OVCH1: variants seen among roughly 807,000 people sequenced by gnomAD.
OVCH1 encodes ovochymase 1, also known as ovochymase-1.
OVCH1 carries 139 observed loss-of-function variants against 138.4 expected under a neutral mutation model. The observed-to-expected ratio is 1.00, with a 90% CI of 0.87 to 1.16. The LOEUF is 1.16. OVCH1 is among the 50% of genes most tolerant of loss of function. The pLI, the probability that OVCH1 is intolerant of heterozygous loss-of-function variation, is 0.00. For synonymous variants in OVCH1, 453 were observed against 467.8 expected (o/e 0.97, Z 0.41); for missense variants, 1,367 against 1,357.9 (o/e 1.01, Z -0.11).
intron 3 of OVCH1, among the ~76,000 whole-genome samples, chr12:29,414,170 A>G (rs777054492): frequency 6.6e-6 from 1 of 151,662 alleles, no homozygotes; most frequent in Non-Finnish European, 1.5e-5. Context: ...GGATTACAGG[A>G]GCCCACCATT....
At chr12:29,462,270 T>C (rs1942164390) in intron 18 of OVCH1, among the ~76,000 whole-genome samples, 1 of 151,012 alleles carries the variant, frequency 6.6e-6, no homozygotes, top group Non-Finnish European at 1.5e-5. Context: ...TTATTTTCAA[T>C]TTAAATGTTA....
intron 3 of OVCH1, among the ~76,000 whole-genome samples, chr12:29,413,127 G>A (rs1462348485): frequency 6.6e-6 from 1 of 151,644 alleles, no homozygotes; most frequent in Non-Finnish European, 1.5e-5. Context: ...CTCCCAAAGT[G>A]TTGAGATTAT....
chr12:29,419,165 C>G (rs1941069435), intron 3 of OVCH1, among the ~76,000 whole-genome samples: 1 of 152,046 alleles, frequency 6.6e-6, no homozygotes, highest in Non-Finnish European at 1.5e-5. Flanking sequence ...GTCTACATTT[C>G]TAATCTATAT....
chr12:29,404,999 G>A, the OVCH1 span, among the ~76,000 whole-genome samples: 5 of 116,970 alleles, frequency 4.3e-5, no homozygotes, highest in Admixed American at 1.1e-4. Flanking sequence ...TCCAGCCCAG[G>A]AGATAGTGCA....
At chr12:29,405,986 CTAGT>C in the OVCH1 span, among the ~76,000 whole-genome samples, 4 of 152,170 alleles carry the variant, frequency 2.6e-5, no homozygotes, top group Non-Finnish European at 2.9e-5. Flanking sequence ...TTCACATGGG[CTAGT>C]TATTTTCACA....
Position 29,485,884 on chromosome 12 carries a change from A to T in OVCH1, c.995+362T>A, listed in dbSNP as rs920752797. Among the ~76,000 whole-genome samples, 16 of 151,884 alleles carry T rather than the reference A, an allele frequency of 1.1e-4. 1 individual carries two copies. The Middle Eastern group carries it at 0.01, about 98-fold the overall frequency. On this transcript the variant is annotated intron_variant, in intron 8 of 27. Coordinates refer to ENST00000318184, the Ensembl canonical transcript of OVCH1. ...CTTGAACCCAGGAGGCAGAGGTTGC[A>T]GTGAGCAGAGACTGCTTGCCACCGC...
exon 21 of OVCH1, chr12:29,454,878 T>C (rs1248767564): frequency 6.2e-7 from 1 of 1,612,966 alleles, no homozygotes; most frequent in Non-Finnish European, 8.5e-7. Context: ...GTGTGGGTGG[T>C]GGCAATTGTT....
exon 19 of OVCH1, chr12:29,461,965 C>T (rs1241988493): frequency 6.8e-6 from 11 of 1,613,820 alleles, no homozygotes; most frequent in Non-Finnish European, 9.3e-6. Context: ...CTCTTTCTAA[C>T]ACATGCACTT....
intron 8 of OVCH1, among the ~76,000 whole-genome samples, chr12:29,479,959 G>A (rs996828702): frequency 2.6e-5 from 4 of 151,870 alleles, no homozygotes; most frequent in Non-Finnish European, 4.4e-5. Flanking sequence ...AAGTAGCTGG[G>A]ACTGCAGGCA....
chr12:29,412,222 G>T (rs143577563), downstream of OVCH1, among the ~76,000 whole-genome samples: 2,901 of 152,166 alleles, frequency 0.019, 78 homozygotes, highest in African/African-American at 0.065. Context: ...CCCTTTCTTT[G>T]ACTAGAAAAG....
intron 3 of OVCH1, among the ~76,000 whole-genome samples, chr12:29,418,134 T>G (rs1224143757): frequency 6.6e-6 from 1 of 152,198 alleles, no homozygotes; most frequent in African/African-American, 2.4e-5. Flanking sequence ...AGGGTACTGT[T>G]ATTCCTTTCT....
chr12:29,436,424 G>A (rs2135909514), intron 26 of OVCH1, among the ~76,000 whole-genome samples: 1 of 152,172 alleles, frequency 6.6e-6, no homozygotes, highest in South Asian at 2.1e-4. Flanking sequence ...TGTCAATTTA[G>A]CAGTTAAATT....
rs1188551438 is a variant in OVCH1, at chr12:29,427,648, T to A, written c.3328A>T (p.Ser1110Cys). ...ATCCTGGACTTCTCAGCCTCCATAC[T>A]GTGAGAAATAAATATTTGTTGTTTG... The change falls in exon 28 of 28, where the codon AGT (serine) becomes TGT (cysteine). Residue 1110 changes from serine (S) to cysteine (C), a missense_variant and splice_region_variant. Coordinates refer to ENST00000318184, the Ensembl canonical transcript of OVCH1. The A allele has an allele frequency of 3.9e-6, 6 of 1,550,580 alleles. No homozygotes were observed. In the Admixed American group the frequency reaches 1.2e-4, roughly 30 times the overall value.
intron 18 of OVCH1, 31 bp downstream of exon 18, chr12:29,464,476 A>G: frequency 6.2e-7 from 1 of 1,605,820 alleles, no homozygotes. Flanking sequence ...AACAACTGGC[A>G]TTAATGTTTA....
the OVCH1 span, among the ~76,000 whole-genome samples, chr12:29,407,132 C>T: frequency 6.6e-5 from 10 of 151,572 alleles, no homozygotes; most frequent in South Asian, 2.1e-4. Context: ...TCATGTCCTT[C>T]GCCCACTTCT....
Position 29,478,978 on chromosome 12 carries a change from G to A in OVCH1, c.996-70C>T, listed in dbSNP as rs1942836368. On this transcript the variant is annotated intron_variant, in intron 8 of 27. Coordinates refer to ENST00000318184, the Ensembl canonical transcript of OVCH1. ...TTTCCAAACATATAAGCTGGGGTAG[G>A]GGAAGGTGAAGAAAATGTAATAAAT... is the stretch of plus-strand genomic sequence containing the variant. 4 of 1,116,002 alleles carry A rather than the reference G, an allele frequency of 3.6e-6. No individual in the cohort carries two copies. In the African/African-American group the frequency reaches 6.4e-5, roughly 18 times the overall value. The allele number at this position is 1,116,002 out of a possible 1,614,324, so 69.1% of individuals were successfully genotyped here. A position where few individuals can be genotyped will look rare whatever the true frequency, so the allele number is the denominator to read the frequency against.
chr12:29,437,842 A>G (rs1316467804), intron 26 of OVCH1, among the ~76,000 whole-genome samples: 1 of 152,196 alleles, frequency 6.6e-6, no homozygotes, highest in Non-Finnish European at 1.5e-5. Context: ...CTTTTGAAAA[A>G]TAAGTGGAAA....
chr12:29,455,685 G>A (rs191086672), intron 19 of OVCH1, among the ~76,000 whole-genome samples: 24 of 152,214 alleles, frequency 1.6e-4, no homozygotes, highest in South Asian at 4.2e-4. Context: ...CAGCCCCATC[G>A]GAGGGAGATA....
chr12:29,474,074 T>TAC (rs146655743), intron 14 of OVCH1, among the ~76,000 whole-genome samples: 63,439 of 145,142 alleles, frequency 0.44, 14,799 homozygotes, highest in Middle Eastern at 0.58. Flanking sequence ...CACACACACA[T>TAC]ACACACACAC....
Sources: allele counts gnomAD v4.1 joint callset (sites outside exome capture counted in the v4.1 genomes callset), GRCh38; gene constraint gnomAD v4.1.1; transcripts MANE v1.5; gene names NCBI Gene and HGNC (gene_info 2026-07-23, HGNC 2026-07-21).